The following NCOR1 variants were observed in gnomAD, a reference collection of about 807,000 sequenced individuals.
NCOR1 encodes the protein nuclear receptor corepressor 1.
NCOR1 carries 63 observed loss-of-function variants against 288.1 expected under a neutral mutation model. The observed-to-expected ratio is 0.22, with a 90% CI of 0.18 to 0.27. The LOEUF (loss-of-function observed/expected upper bound fraction) is 0.27, where lower values mean the gene tolerates loss of function less well. NCOR1 is among the 10% of genes least tolerant of loss of function. The probability of loss-of-function intolerance (pLI) is 1.00; values close to 1 mark genes in which losing one functional copy is unlikely to be tolerated. For missense variants in NCOR1, 2,397 were observed against 3,019.2 expected, an observed-to-expected ratio of 0.79 and a Z score of 4.83; for synonymous variants, 1,007 against 1,065.9, an observed-to-expected ratio of 0.94 and a Z score of 1.08.
chr17:16,108,262 A>T (rs1458415140), intron 19 of NCOR1: 1 of 344,512 alleles, frequency 2.9e-6, no homozygotes, highest in African/African-American at 2.2e-5. Context: ...TTACCAAAAA[A>T]ATCAAGAAAA....
intron 3 of NCOR1, among the ~76,000 whole-genome samples, chr17:16,181,981 T>G (rs1343641653): frequency 6.6e-6 from 1 of 152,160 alleles, no homozygotes; most frequent in African/African-American, 2.4e-5. Flanking sequence ...TTCTTTACTT[T>G]TGTATCAAAG....
intron 19 of NCOR1, among the ~76,000 whole-genome samples, chr17:16,105,028 G>C (rs1238816254): frequency 1.3e-5 from 2 of 152,198 alleles, no homozygotes; most frequent in Non-Finnish European, 2.9e-5. Context: ...GGTTGGAGCA[G>C]AGGGGGCCAA....
intron 39 of NCOR1, 40 bp from the exon 40 acceptor site, chr17:16,057,777 G>A: frequency 6.4e-7 from 1 of 1,560,638 alleles, no homozygotes; most frequent in Non-Finnish European, 8.7e-7. Flanking sequence ...AATTCATTGA[G>A]TACTTGCAAA....
intron 18 of NCOR1, among the ~76,000 whole-genome samples, chr17:16,112,061 G>C (rs2070358285): frequency 6.6e-6 from 1 of 152,018 alleles, no homozygotes. Flanking sequence ...AGTAGAGAAG[G>C]GGTTTCACCA....
chr17:16,072,265 A>T lies in NCOR1; in HGVS notation c.3812-37T>A, dbSNP rs368821255. On this transcript the variant is annotated intron_variant, in intron 28 of 45. Coordinates refer to ENST00000268712, the MANE Select transcript of NCOR1 (RefSeq NM_006311.4). Reference sequence around the variant, plus strand: ...AGAAAGCAATTCAATTATTCAACATAATGTATATGTCAACTCACATATACT... The same window carrying T: ...AGAAAGCAATTCAATTATTCAACATTATGTATATGTCAACTCACATATACT... 1.2e-5 allele frequency: 18 copies of T among 1,491,446 alleles called. No homozygotes were observed. The African/African-American group carries it at 1.7e-4, about 14-fold the overall frequency. The allele number at this position is 1,491,446 out of a possible 1,614,324, so 92.4% of individuals were successfully genotyped here.
At chr17:16,033,769 G>A (rs1185528211) in intron 45 of NCOR1, among the ~76,000 whole-genome samples, 2 of 152,142 alleles carry the variant, frequency 1.3e-5, no homozygotes, top group African/African-American at 4.8e-5. Context: ...TTTTTCATCA[G>A]TTTGTGTAAA....
chr17:16,196,172 A>G (rs2089753711), intron 1 of NCOR1, among the ~76,000 whole-genome samples: 1 of 149,836 alleles, frequency 6.7e-6, no homozygotes, highest in East Asian at 1.9e-4. Flanking sequence ...TTATATATAT[A>G]AAATCTCCAC....
chr17:16,040,616 T>A, intron 42 of NCOR1, 122 bp from the exon 43 acceptor site: 1 of 877,794 alleles, frequency 1.1e-6, no homozygotes, highest in Non-Finnish European at 1.8e-6. Context: ...AACCTTTATT[T>A]CTCACCCATT....
rs771889820 is a variant in NCOR1, at chr17:16,098,489, G to T, written c.2698C>A (p.Pro900Thr). 1.9e-6 allele frequency: 3 copies of T among 1,601,424 alleles called. No homozygotes were observed. The highest frequency in any genetic ancestry group is 2.7e-5 in the African/African-American group (2 of 74,272). The change falls in exon 21 of 46, where the codon CCT becomes ACT. Residue 900 changes from proline (P) to threonine (T), a missense_variant. By Grantham distance (38) the Pro-to-Thr change is conservative (BLOSUM62 -1). Coordinates refer to ENST00000268712, the MANE Select transcript of NCOR1 (RefSeq NM_006311.4). ...AACAGTGAAGGCTTTGAGTCCATAG[G>T]AAACATTCTGCAATTGCAATTTAAA... ...DGEPERQRMFPMDSKPSLLNP... is the reference protein window; with the variant it reads ...DGEPERQRMFTMDSKPSLLNP...
chr17:16,133,017 G>C (rs2075884791), intron 14 of NCOR1, among the ~76,000 whole-genome samples: 3 of 151,542 alleles, frequency 2.0e-5, no homozygotes, highest in Admixed American at 2.0e-4. Flanking sequence ...CACCCAGGTG[G>C]GAGTGCAGTG....
intron 9 of NCOR1, 119 bp from the exon 10 acceptor site, chr17:16,146,667 ACT>A (rs2078039664): frequency 1.1e-6 from 1 of 912,146 alleles, no homozygotes; most frequent in Non-Finnish European, 1.6e-6. Context: ...TTGGCTTATG[ACT>A]CAACTGTGAA....
chr17:16,169,722 C>G (rs994899403), intron 4 of NCOR1, among the ~76,000 whole-genome samples: 2 of 152,170 alleles, frequency 1.3e-5, no homozygotes, highest in Non-Finnish European at 2.9e-5. Context: ...CAACACGTCC[C>G]ATTTTAATGA....
At chr17:16,137,740 G>A (rs2076620905) in intron 13 of NCOR1, 1 of 223,404 alleles carries the variant, frequency 4.5e-6, no homozygotes, top group Non-Finnish European at 8.6e-6. Context: ...TAAATATTTT[G>A]TTCAAAAACA....
intron 30 of NCOR1, among the ~76,000 whole-genome samples, chr17:16,071,054 G>A (rs1437580046): frequency 6.6e-6 from 1 of 152,104 alleles, no homozygotes; most frequent in Non-Finnish European, 1.5e-5. Flanking sequence ...GCTGAGATGG[G>A]CAGATCACTT....
At chr17:16,184,824 T>C (rs977953979) in intron 3 of NCOR1, among the ~76,000 whole-genome samples, 1 of 151,954 alleles carries the variant, frequency 6.6e-6, no homozygotes, top group Non-Finnish European at 1.5e-5. Context: ...TAAGTGTTTG[T>C]CAATGAATGA....
At chr17:16,068,211 A>T in intron 31 of NCOR1, 90 bp from the exon 32 acceptor site, 1 of 1,035,480 alleles carries the variant, frequency 9.7e-7, no homozygotes, top group Non-Finnish European at 1.4e-6. Flanking sequence ...AATAAAGACT[A>T]TATTCATGTA....
chr17:16,196,824 C>CAAAAAAAAAA (rs35922115), intron 1 of NCOR1, among the ~76,000 whole-genome samples: 1 of 91,214 alleles, frequency 1.1e-5, no homozygotes, highest in African/African-American at 4.3e-5. Context: ...GACTCTGTCT[C>CAAAAAAAAAA]AAAAAAAAAA....
chr17:16,143,560 G>T, intron 11 of NCOR1, 46 bp downstream of exon 11: 1 of 1,463,228 alleles, frequency 6.8e-7, no homozygotes. Context: ...GAGTTAAAAT[G>T]CTTTAATAAT....
chr17:16,114,143 CAAAAAAAAAAAA>C (rs71353770), intron 18 of NCOR1, among the ~76,000 whole-genome samples: 1 of 17,708 alleles, frequency 5.6e-5, no homozygotes, highest in Non-Finnish European at 1.2e-4. Flanking sequence ...TGGCGGCAGG[CAAAAAAAAAAAA>C]AAAAAAAAAA....
Sources: allele counts gnomAD v4.1 joint callset (sites outside exome capture counted in the v4.1 genomes callset), GRCh38; gene constraint gnomAD v4.1.1; transcripts MANE v1.5; gene names NCBI Gene and HGNC (gene_info 2026-07-23, HGNC 2026-07-21).